The following EXOC4 variants were observed in gnomAD, a reference collection of about 807,000 sequenced individuals.
EXOC4 encodes the protein exocyst complex component 4, also known as SEC8-like 1.
A neutral mutation model predicts 107.2 loss-of-function variants in EXOC4; 71 were observed. That is an observed-to-expected ratio of 0.66 (90% CI 0.55 to 0.81). The LOEUF (loss-of-function observed/expected upper bound fraction) is 0.81. EXOC4 is among the 30% of genes least tolerant of loss of function. EXOC4 has a pLI of 0.00. For missense variants in EXOC4, 1,108 were observed against 1,189.6 expected (o/e 0.93, Z 1.01); for synonymous variants, 456 against 441.2 (o/e 1.03, Z -0.42).
chr7:133,713,537 G>C (rs1271154779), intron 10 of EXOC4, among the ~76,000 whole-genome samples: 3 of 152,158 alleles, frequency 2.0e-5, no homozygotes, highest in Admixed American at 6.5e-5. Flanking sequence ...CAAAAAATAA[G>C]TAAACAAACA....
At chr7:133,870,145 T>C (rs1009145401) in intron 11 of EXOC4, among the ~76,000 whole-genome samples, 1 of 152,164 alleles carries the variant, frequency 6.6e-6, no homozygotes, top group African/African-American at 2.4e-5. Flanking sequence ...GATTGTTAAG[T>C]GTGCATCCCT....
rs1356112357 is a variant in EXOC4 at position 133,576,750 on chromosome 7, A to G, written c.1418-53295A>G. ...GATAGAGGATATTGGTCTACAGGGT[A>G]CTATTGGAGAGGTAACTGTGAGGCT... is the stretch of plus-strand genomic sequence containing the variant. On this transcript the variant is annotated intron_variant, in intron 9 of 17. Coordinates refer to ENST00000253861, the MANE Select transcript of EXOC4 (RefSeq NM_021807.4). The G allele has an allele frequency of 4.7e-6, 6 of 1,289,734 alleles. No homozygotes were observed. The South Asian group carries it at 4.9e-5, about 11-fold the overall frequency. 79.9% of individuals were successfully genotyped at this position (1,289,734 alleles called of 1,614,324 possible). A position where few individuals can be genotyped will look rare whatever the true frequency, so the allele number is the denominator to read the frequency against.
chr7:133,357,603 C>A (rs954656374), intron 6 of EXOC4, among the ~76,000 whole-genome samples: 1 of 151,972 alleles, frequency 6.6e-6, no homozygotes, highest in Non-Finnish European at 1.5e-5. Flanking sequence ...CTTGTAGATA[C>A]GTTGTTAAGG....
intron 10 of EXOC4, among the ~76,000 whole-genome samples, chr7:133,807,856 C>T (rs1036410451): frequency 6.6e-6 from 1 of 152,100 alleles, no homozygotes; most frequent in African/African-American, 2.4e-5. Context: ...CTTCATTTTA[C>T]CTAAAGTGCT....
At position 134,000,376 on chromosome 7, in the gene EXOC4, G is replaced by A. The variant is rs138112139; in HGVS notation, c.2348+2743G>A. ...GGTGTCTGCTAAGTGCTCTGGGGGC[G>A]TGACTGTGGTAGAGACCATCGAGCA... is the stretch of plus-strand genomic sequence containing the variant. On this transcript the variant is annotated intron_variant, in intron 15 of 17. Coordinates refer to ENST00000253861, the MANE Select transcript of EXOC4 (RefSeq NM_021807.4). 1.1e-4 allele frequency among the ~76,000 whole-genome samples: 17 copies of A among 152,248 alleles called. No homozygotes were observed. In the East Asian group the frequency reaches 2.1e-3, roughly 19 times the overall value.
Position 134,031,943 on chromosome 7 carries a change from C to T in EXOC4, c.2687+24108C>T, listed in dbSNP as rs7811550. 6.9e-3 allele frequency among the ~76,000 whole-genome samples: 1,050 copies of T among 152,276 alleles called. 15 individuals carry two copies. Among genetic ancestry groups the T allele is most frequent in the African/African-American group, 0.024 (1,002 of 41,532 alleles). ...TTAAAATACTAAATGTCTGATCTCC[C>T]TATTAACCCCAAGCATCTGAGATTG... On this transcript the variant is annotated intron_variant, in intron 17 of 17. Transcript: ENST00000253861.
intron 10 of EXOC4, among the ~76,000 whole-genome samples, chr7:133,630,374 C>A (rs372650883): frequency 6.6e-6 from 1 of 152,096 alleles, no homozygotes; most frequent in Admixed American, 6.6e-5. Flanking sequence ...TTTTCACACT[C>A]GCTACCTCTG....
intron 9 of EXOC4, among the ~76,000 whole-genome samples, chr7:133,570,231 A>G (rs1012080634): frequency 1.3e-5 from 2 of 152,210 alleles, no homozygotes; most frequent in African/African-American, 4.8e-5. Context: ...ATTGTCAGGA[A>G]GAGGGGCTGC....
At chr7:133,296,373 T>C (rs1250384887) in intron 3 of EXOC4, among the ~76,000 whole-genome samples, 1 of 152,074 alleles carries the variant, frequency 6.6e-6, no homozygotes, top group Admixed American at 6.6e-5. Flanking sequence ...GTAGGGATAG[T>C]GTGGTTTGCT....
intron 10 of EXOC4, among the ~76,000 whole-genome samples, chr7:133,682,030 A>G (rs1316884244): frequency 2.0e-5 from 3 of 151,938 alleles, no homozygotes; most frequent in African/African-American, 2.4e-5. Context: ...TAGCCTCCCA[A>G]GCTGGGACCA....
At chr7:133,598,703 G>T (rs1801738843) in intron 9 of EXOC4, among the ~76,000 whole-genome samples, 1 of 152,080 alleles carries the variant, frequency 6.6e-6, no homozygotes, top group South Asian at 2.1e-4. Flanking sequence ...TGCAAACTGG[G>T]CCGGGTGTGG....
chr7:133,393,718 T>C (rs1563049179), intron 7 of EXOC4, among the ~76,000 whole-genome samples: 1 of 152,190 alleles, frequency 6.6e-6, no homozygotes, highest in Non-Finnish European at 1.5e-5. Context: ...ACAGGGGTCC[T>C]CACCAGACAT....
At chr7:134,047,784 A>T (rs1460769494) in intron 17 of EXOC4, among the ~76,000 whole-genome samples, 2 of 152,204 alleles carry the variant, frequency 1.3e-5, no homozygotes, top group African/African-American at 4.8e-5. Context: ...AAATGAGATC[A>T]TATTTGTACT....
intron 7 of EXOC4, among the ~76,000 whole-genome samples, chr7:133,393,545 A>G (rs140691170): frequency 6.6e-5 from 10 of 152,186 alleles, no homozygotes; most frequent in South Asian, 2.1e-4. Context: ...CCAGTCCCCA[A>G]TGTGATGGTA....
At chr7:133,285,774 A>G (rs1410742202) in intron 2 of EXOC4, among the ~76,000 whole-genome samples, 1 of 145,154 alleles carries the variant, frequency 6.9e-6, no homozygotes, top group African/African-American at 2.6e-5. Flanking sequence ...TTTTTTTTTC[A>G]AAAGAGCTGG....
At chr7:133,883,917 G>C (rs1799021891) in intron 11 of EXOC4, among the ~76,000 whole-genome samples, 1 of 152,086 alleles carries the variant, frequency 6.6e-6, no homozygotes, top group Non-Finnish European at 1.5e-5. Context: ...ATTAAAAAAT[G>C]GAAAGCATAT....
In EXOC4 at chr7:133,713,430, A is replaced by C. The variant is rs915309163; in HGVS notation, c.1514+83289A>C. 1.2e-4 allele frequency among the ~76,000 whole-genome samples: 18 copies of C among 152,296 alleles called. No homozygotes were observed. In the South Asian group the frequency reaches 3.5e-3, roughly 30 times the overall value. ...TTCATCATTCTGAAATATTCATAAG[A>C]GCTTGCTGTGCTATAGGCATTATGT... On this transcript the variant is annotated intron_variant, in intron 10 of 17. Coordinates refer to ENST00000253861, the MANE Select transcript of EXOC4 (RefSeq NM_021807.4).
intron 5 of EXOC4, among the ~76,000 whole-genome samples, chr7:133,324,692 T>C (rs1268840772): frequency 6.6e-6 from 1 of 152,184 alleles, no homozygotes; most frequent in East Asian, 1.9e-4. Context: ...TTCTGTTGAT[T>C]TGTGGTGGAG....
intron 7 of EXOC4, among the ~76,000 whole-genome samples, chr7:133,385,996 T>A (rs1796717581): frequency 6.6e-6 from 1 of 152,194 alleles, no homozygotes; most frequent in Non-Finnish European, 1.5e-5. Flanking sequence ...TATTCATGTA[T>A]GATTGTTTTC....
Sources: allele counts gnomAD v4.1 joint callset (sites outside exome capture counted in the v4.1 genomes callset), GRCh38; gene constraint gnomAD v4.1.1; transcripts MANE v1.5; gene names NCBI Gene and HGNC (gene_info 2026-07-23, HGNC 2026-07-21).